The following WDR41 variants were observed in gnomAD, a reference collection of about 807,000 sequenced individuals.
The protein encoded by WDR41 is WD repeat domain 41, also known as WD repeat-containing protein 41.
In WDR41, 63 loss-of-function variants were observed where a neutral mutation model predicts 69.3. The ratio of observed to expected loss-of-function variants is 0.91; its 90% CI spans 0.74 to 1.12. The LOEUF is 1.12. WDR41 is among the 50% of genes most tolerant of loss of function. The pLI is 0.00. For synonymous variants in WDR41, 185 were observed against 192.1 expected, an observed-to-expected ratio of 0.96 and a Z score of 0.31; for missense variants, 543 against 534.5, an observed-to-expected ratio of 1.02 and a Z score of -0.16.
At chr5:77,616,866 G>T (rs978347296) in intron 1 of WDR41, among the ~76,000 whole-genome samples, 14 of 152,006 alleles carry the variant, frequency 9.2e-5, no homozygotes, top group African/African-American at 3.4e-4. Context: ...CTATTCCCTT[G>T]GTAGTTAAGA....
At chr5:77,496,031 C>T (rs1228162118), upstream of WDR41, among the ~76,000 whole-genome samples, 1 of 152,042 alleles carries the variant, frequency 6.6e-6, no homozygotes, top group Admixed American at 6.6e-5. Flanking sequence ...AAGATAATCT[C>T]AACTGATGCA....
chr5:77,472,010 T>C (rs1387025475), intron 2 of WDR41, among the ~76,000 whole-genome samples: 2 of 152,334 alleles, frequency 1.3e-5, no homozygotes, highest in Non-Finnish European at 2.9e-5. Flanking sequence ...TGAACATTGA[T>C]GCAGAAATCC....
intron 1 of WDR41, among the ~76,000 whole-genome samples, chr5:77,617,849 C>G (rs553409245): frequency 1.3e-5 from 2 of 152,224 alleles, no homozygotes; most frequent in African/African-American, 4.8e-5. Context: ...TAGGAATAGT[C>G]TCATAAAACT....
chr5:77,434,679 AGAGT>A (rs1485414598), intron 12 of WDR41, among the ~76,000 whole-genome samples: 6 of 152,146 alleles, frequency 3.9e-5, no homozygotes, highest in Admixed American at 3.9e-4. Flanking sequence ...CCTGGGCAAC[AGAGT>A]GAGATGCTGT....
intron 1 of WDR41, among the ~76,000 whole-genome samples, chr5:77,602,297 G>A (rs766450062): frequency 5.9e-5 from 9 of 151,994 alleles, no homozygotes; most frequent in Non-Finnish European, 1.0e-4. Context: ...GCGCCACCAC[G>A]CCTGGCTAAT....
intron 1 of WDR41, chr5:77,545,258 G>A (rs1457059538): frequency 1.3e-5 from 2 of 152,928 alleles, no homozygotes; most frequent in Non-Finnish European, 2.9e-5. Flanking sequence ...CAAGGAACTA[G>A]AGAAACAAGA....
intron 8 of WDR41, among the ~76,000 whole-genome samples, chr5:77,447,057 C>G (rs1799413352): frequency 6.6e-6 from 1 of 152,092 alleles, no homozygotes; most frequent in Non-Finnish European, 1.5e-5. Context: ...CCAGAATTTA[C>G]AAGGAACTTA....
At chr5:77,601,216 G>C (rs936463041) in intron 1 of WDR41, among the ~76,000 whole-genome samples, 1 of 152,022 alleles carries the variant, frequency 6.6e-6, no homozygotes, top group Non-Finnish European at 1.5e-5. Flanking sequence ...GCCTAAAATA[G>C]TTTTTTAAAT....
intron 4 of WDR41, among the ~76,000 whole-genome samples, chr5:77,462,197 G>A (rs1236069856): frequency 1.3e-5 from 2 of 151,958 alleles, no homozygotes; most frequent in Non-Finnish European, 2.9e-5. Flanking sequence ...ATCACCTAAG[G>A]TCAGGAGTTC....
At chr5:77,608,097 G>T (rs1453998835) in intron 1 of WDR41, among the ~76,000 whole-genome samples, 1 of 152,060 alleles carries the variant, frequency 6.6e-6, no homozygotes, top group Non-Finnish European at 1.5e-5. Context: ...TACAAACCCT[G>T]GCAATCACTA....
intron 1 of WDR41, among the ~76,000 whole-genome samples, chr5:77,519,092 T>C (rs1169428417): frequency 6.6e-6 from 1 of 152,096 alleles, no homozygotes; most frequent in Non-Finnish European, 1.5e-5. Context: ...TCAATAAATA[T>C]AATTTCAGGT....
chr5:77,578,864 CA>C (rs55920763), intron 1 of WDR41, among the ~76,000 whole-genome samples: 15,487 of 77,048 alleles, frequency 0.2, 632 homozygotes, highest in East Asian at 0.34. Context: ...AACTCCATCT[CA>C]AAAAAAAAAA....
chr5:77,560,494 C>T (rs1284854502), intron 1 of WDR41, among the ~76,000 whole-genome samples: 2 of 151,906 alleles, frequency 1.3e-5, no homozygotes, highest in African/African-American at 4.8e-5. Context: ...AAATTAAACA[C>T]GGATTATTGC....
rs371634531 is a variant in WDR41 at position 77,602,243 on chromosome 5, G to T, written c.42+18236C>A. Among the ~76,000 whole-genome samples, 24 of 151,864 alleles carry T rather than the reference G, an allele frequency of 1.6e-4. 1 individual carries two copies. In the South Asian group the frequency reaches 4.2e-3, roughly 26 times the overall value. On this transcript the variant is annotated intron_variant, in intron 1 of 5. Transcript: ENST00000509971. ...CAACCTCCATCTTATGGGTTTAAGC[G>T]ATTCTTCTGCCTCAGCCTCCCAAGT...
intron 1 of WDR41, among the ~76,000 whole-genome samples, chr5:77,586,760 C>T (rs778490599): frequency 1.3e-4 from 19 of 145,084 alleles, no homozygotes; most frequent in Admixed American, 7.0e-4. Context: ...CCCTCTGTTA[C>T]CAGGCTGGAG....
chr5:77,460,453 C>T (rs1800005012), intron 4 of WDR41, among the ~76,000 whole-genome samples: 1 of 152,122 alleles, frequency 6.6e-6, no homozygotes, highest in South Asian at 2.1e-4. Context: ...TTTCACTATT[C>T]ACAAGCAGAA....
chr5:77,455,308 C>T (rs767124348), intron 5 of WDR41, among the ~76,000 whole-genome samples: 54 of 152,094 alleles, frequency 3.6e-4, no homozygotes, highest in Non-Finnish European at 7.2e-4. Context: ...TCTTTCAAAT[C>T]TTGTCTATTT....
chr5:77,448,837 C>T (rs1351885599), intron 8 of WDR41, among the ~76,000 whole-genome samples: 1 of 151,752 alleles, frequency 6.6e-6, no homozygotes, highest in Non-Finnish European at 1.5e-5. Context: ...CACTGAACTC[C>T]AGCCTGGGCA....
chr5:77,466,112 C>A (rs1026926205), intron 2 of WDR41, among the ~76,000 whole-genome samples: 2 of 151,924 alleles, frequency 1.3e-5, no homozygotes, highest in Non-Finnish European at 2.9e-5. Flanking sequence ...AACTACCTAT[C>A]TTTTTAACAG....
Sources: gnomAD v4.1 joint callset for allele counts (sites outside exome capture counted in the v4.1 genomes callset) on GRCh38, gnomAD v4.1.1 for gene constraint, MANE v1.5 for transcripts, NCBI Gene and HGNC (gene_info 2026-07-23, HGNC 2026-07-21) for gene names.